RGS8: variants seen among roughly 807,000 people sequenced by gnomAD.
RGS8 encodes the protein regulator of G-protein signaling 8.
A neutral mutation model predicts 21.7 loss-of-function variants in RGS8; 8 were observed. The observed-to-expected ratio is 0.37, with a 90% CI of 0.22 to 0.66. The LOEUF (loss-of-function observed/expected upper bound fraction) is 0.66, where lower values mean the gene tolerates loss of function less well. Ranked by LOEUF, RGS8 falls within the 30% of genes least tolerant of loss-of-function variation. The probability of loss-of-function intolerance (pLI) is 0.59; values close to 1 mark genes in which losing one functional copy is unlikely to be tolerated. For missense variants in RGS8, 157 were observed against 217.9 expected (o/e 0.72, Z 1.76); for synonymous variants, 80 against 83.6 (o/e 0.96, Z 0.24).
the RGS8 span, among the ~76,000 whole-genome samples, chr1:182,721,014 TAC>T: frequency 6.6e-5 from 7 of 105,454 alleles, no homozygotes; most frequent in African/African-American, 8.0e-5. Flanking sequence ...TATACATATA[TAC>T]ACATATATAT....
At chr1:182,700,173 G>A in the RGS8 span, among the ~76,000 whole-genome samples, 1 of 152,236 alleles carries the variant, frequency 6.6e-6, no homozygotes, top group African/African-American at 2.4e-5. Context: ...GGGGGAGGGG[G>A]ATCCCTCGGC....
the RGS8 span, among the ~76,000 whole-genome samples, chr1:182,711,233 T>C: frequency 6.6e-6 from 1 of 152,174 alleles, no homozygotes; most frequent in South Asian, 2.1e-4. Flanking sequence ...TTGAAAACAC[T>C]ACTTCTGGCA....
chr1:182,729,766 T>C, the RGS8 span, among the ~76,000 whole-genome samples: 3 of 152,206 alleles, frequency 2.0e-5, no homozygotes, highest in African/African-American at 7.2e-5. Flanking sequence ...CATATTGACA[T>C]GTAGTTTAAA....
the RGS8 span, among the ~76,000 whole-genome samples, chr1:182,733,188 G>T: frequency 6.6e-6 from 1 of 152,144 alleles, no homozygotes; most frequent in African/African-American, 2.4e-5. Context: ...CTCAGTGTCT[G>T]GTACATGTGT....
At chr1:182,692,358 G>T in the RGS8 span, among the ~76,000 whole-genome samples, 1 of 151,920 alleles carries the variant, frequency 6.6e-6, no homozygotes, top group African/African-American at 2.4e-5. Context: ...AATCAACAAT[G>T]CAATCCCATT....
intron 5 of RGS8, among the ~76,000 whole-genome samples, chr1:182,652,161 T>C (rs10752879): frequency 0.76 from 115,181 of 152,174 alleles, 43,673 homozygotes; most frequent in Non-Finnish European, 0.78. Flanking sequence ...GAAGAGACTA[T>C]ATTCTTCTAA....
chr1:182,680,136 A>C (rs1255131156), intron 1 of RGS8, among the ~76,000 whole-genome samples: 1 of 152,118 alleles, frequency 6.6e-6, no homozygotes, highest in Non-Finnish European at 1.5e-5. Context: ...ATTCAGCTCC[A>C]ATCTGCAGCC....
chr1:182,644,474 C>G (rs1213731694), downstream of RGS8: 1 of 152,214 alleles, frequency 6.6e-6, no homozygotes, highest in African/African-American at 2.4e-5. Context: ...TCTTTCACAC[C>G]TCCCCATTGT....
exon 4 of RGS8, chr1:182,666,946 T>A (rs1663895134): frequency 2.5e-6 from 4 of 1,614,086 alleles, no homozygotes; most frequent in Non-Finnish European, 3.4e-6. Flanking sequence ...GAGACAGGCA[T>A]CCCAGTCGAG....
Position 182,667,391 on chromosome 1 carries a change from C to T in RGS8, c.27-418G>A, listed in dbSNP as rs998785981. Among the ~76,000 whole-genome samples, 6 of 152,172 alleles carry T rather than the reference C, an allele frequency of 3.9e-5. No individual in the cohort carries two copies. In the South Asian group the frequency reaches 1.2e-3, roughly 31 times the overall value. ...AAAGACCCAGAAGGGGTACCAACACCAGGAGCAGAGGGATGTTTGCAGGGT... is the reference window on the plus strand; with the variant it reads ...AAAGACCCAGAAGGGGTACCAACACTAGGAGCAGAGGGATGTTTGCAGGGT... On this transcript the variant is annotated intron_variant, in intron 3 of 6. Transcript: ENST00000483095.
At chr1:182,714,522 A>C in the RGS8 span, 7 of 152,228 alleles carry the variant, frequency 4.6e-5, no homozygotes, top group African/African-American at 1.7e-4. Context: ...TCATCATTAA[A>C]CCGTATGGTC....
At chr1:182,666,355 T>C (rs955437964) in intron 4 of RGS8, among the ~76,000 whole-genome samples, 1 of 152,192 alleles carries the variant, frequency 6.6e-6, no homozygotes, top group African/African-American at 2.4e-5. Flanking sequence ...GCCAGAAAAG[T>C]TAGACTCAGC....
the RGS8 span, among the ~76,000 whole-genome samples, chr1:182,721,015 A>ATATGATTTTAATCT: frequency 5.0e-5 from 5 of 100,636 alleles, no homozygotes; most frequent in Admixed American, 9.9e-5. Context: ...ATACATATAT[A>ATATGATTTTAATCT]CACATATATA....
the RGS8 span, among the ~76,000 whole-genome samples, chr1:182,699,906 G>T: frequency 6.6e-6 from 1 of 152,170 alleles, no homozygotes; most frequent in African/African-American, 2.4e-5. Flanking sequence ...TGACATATGA[G>T]AGGTCTCACG....
chr1:182,741,192 C>G, the RGS8 span, among the ~76,000 whole-genome samples: 3 of 140,456 alleles, frequency 2.1e-5, no homozygotes, highest in African/African-American at 2.7e-5. Flanking sequence ...GGCTGACCCC[C>G]CCACCTCCCT....
At chr1:182,705,346 C>T in the RGS8 span, among the ~76,000 whole-genome samples, 4 of 152,178 alleles carry the variant, frequency 2.6e-5, no homozygotes, top group East Asian at 1.9e-4. Context: ...CCTTTTTATT[C>T]TATTCAGGTC....
At chr1:182,685,798 A>T (rs1385504063), upstream of RGS8, among the ~76,000 whole-genome samples, 7 of 152,052 alleles carry the variant, frequency 4.6e-5, no homozygotes, top group Non-Finnish European at 1.5e-5. Flanking sequence ...CATTTCGACA[A>T]AATCAGGCCG....
At chr1:182,647,043 A>G (rs2102404511) in intron 6 of RGS8, 126 bp from the exon 8 acceptor site, 1 of 827,310 alleles carries the variant, frequency 1.2e-6, no homozygotes, top group Non-Finnish European at 1.9e-6. Flanking sequence ...CTGCTTTTCA[A>G]ATTGCTTCCA....
chr1:182,693,694 A>T, the RGS8 span, among the ~76,000 whole-genome samples: 65 of 152,256 alleles, frequency 4.3e-4, no homozygotes, highest in Non-Finnish European at 8.2e-4. Context: ...AGCACTATTC[A>T]CAATAGCAAA....
Sources: allele counts gnomAD v4.1 joint callset (sites outside exome capture counted in the v4.1 genomes callset), GRCh38; gene constraint gnomAD v4.1.1; transcripts MANE v1.5; gene names NCBI Gene and HGNC (gene_info 2026-07-23, HGNC 2026-07-21).